The following CACNA2D1 variants were observed in gnomAD, a reference collection of about 807,000 sequenced individuals.
CACNA2D1 encodes the protein voltage-dependent calcium channel subunit alpha-2/delta-1.
A neutral mutation model predicts 171.5 loss-of-function variants in CACNA2D1; 53 were observed. The observed-to-expected ratio is 0.31, with a 90% CI of 0.25 to 0.39. CACNA2D1 has a LOEUF of 0.39. CACNA2D1 is among the 10% of genes least tolerant of loss of function. The probability of loss-of-function intolerance (pLI) is 1.00; values close to 1 mark genes in which losing one functional copy is unlikely to be tolerated. For synonymous variants in CACNA2D1, 442 were observed against 443.1 expected, an observed-to-expected ratio of 1.00 and a Z score of 0.03; for missense variants, 903 against 1,299.8, an observed-to-expected ratio of 0.69 and a Z score of 4.69.
chr7:82,269,779 C>T (rs746058730), intron 3 of CACNA2D1, among the ~76,000 whole-genome samples: 6 of 152,090 alleles, frequency 3.9e-5, no homozygotes, highest in Admixed American at 3.3e-4. Context: ...GAATTAACCC[C>T]TTCATTTACA....
chr7:82,328,797 C>T (rs994706251), intron 3 of CACNA2D1, among the ~76,000 whole-genome samples: 4 of 152,236 alleles, frequency 2.6e-5, no homozygotes, highest in African/African-American at 7.2e-5. Context: ...AAATTTCTTG[C>T]CAATGTCTCA....
Position 81,950,487 on chromosome 7 carries a change from C to A in CACNA2D1, c.3181G>T (p.Gly1061Cys). 1 of 1,612,364 alleles carries A rather than the reference C, an allele frequency of 6.2e-7. No homozygotes were observed. The highest frequency in any genetic ancestry group is 8.5e-7 in the Non-Finnish European group (1 of 1,179,322). The change falls in exon 39 of 39, where the codon GGT (glycine) becomes TGT (cysteine). Residue 1061 changes from glycine (G) to cysteine (C), a missense_variant. This residue lies in a region of CACNA2D1 where 623 missense variants were observed against 925.5 expected (regional missense o/e 0.67). Transcript: ENST00000356860. Reference sequence around the variant, plus strand: ...AGGGAGGGATTTAATCCAGAAACACCACCACAGTCAGTATAATCCTCCTGT... The same window carrying A: ...AGGGAGGGATTTAATCCAGAAACACAACCACAGTCAGTATAATCCTCCTGT... ...NVLEDYTDCG[G>C]VSGLNPSLWY...
At chr7:82,417,147 T>A (rs1453636098) in intron 1 of CACNA2D1, among the ~76,000 whole-genome samples, 3 of 152,194 alleles carry the variant, frequency 2.0e-5, no homozygotes, top group African/African-American at 7.2e-5. Context: ...ATAATCCAAA[T>A]TTCCTAAAGA....
intron 1 of CACNA2D1, chr7:82,410,417 GCTAT>G: frequency 3.7e-6 from 2 of 534,240 alleles, no homozygotes; most frequent in Admixed American, 6.4e-5. Flanking sequence ...CTTCTGTACT[GCTAT>G]CTATCCAACA....
chr7:82,126,911 G>C (rs1172898365), intron 5 of CACNA2D1, among the ~76,000 whole-genome samples: 37 of 152,162 alleles, frequency 2.4e-4, no homozygotes, highest in Admixed American at 2.4e-3. Context: ...CTCAGGGGCT[G>C]GCTTTCTGTG....
intron 3 of CACNA2D1, among the ~76,000 whole-genome samples, chr7:82,251,821 A>C (rs574594118): frequency 6.6e-6 from 1 of 152,328 alleles, no homozygotes; most frequent in South Asian, 2.1e-4. Flanking sequence ...AGCAGGAGAT[A>C]GGATGCAAAT....
intron 19 of CACNA2D1, among the ~76,000 whole-genome samples, chr7:81,995,809 A>AAAAT (rs1432222095): frequency 4.3e-4 from 66 of 152,092 alleles, no homozygotes; most frequent in African/African-American, 1.5e-3. Flanking sequence ...AAAAAAAAAA[A>AAAAT]AAAAAAAAAG....
At chr7:82,252,611 G>T (rs1207151683) in intron 3 of CACNA2D1, among the ~76,000 whole-genome samples, 2 of 152,328 alleles carry the variant, frequency 1.3e-5, no homozygotes, top group Non-Finnish European at 2.9e-5. Context: ...GAAACACTTG[G>T]CCGGGCGTGG....
intron 3 of CACNA2D1, among the ~76,000 whole-genome samples, chr7:82,218,429 C>T (rs1334169258): frequency 1.3e-5 from 2 of 152,146 alleles, no homozygotes; most frequent in African/African-American, 4.8e-5. Context: ...AGCCTGAAAA[C>T]ACAGCTTCTC....
intron 18 of CACNA2D1, among the ~76,000 whole-genome samples, chr7:81,999,563 G>T (rs1798380030): frequency 6.6e-6 from 1 of 152,060 alleles, no homozygotes; most frequent in African/African-American, 2.4e-5. Flanking sequence ...TCAAATTGAG[G>T]AGTCTTGTGT....
intron 11 of CACNA2D1, 28 bp from the exon 12 acceptor site, chr7:82,032,929 A>G: frequency 8.8e-7 from 1 of 1,136,886 alleles, no homozygotes; most frequent in South Asian, 1.2e-5. Flanking sequence ...AAACAAAACA[A>G]TATGCGTATT....
intron 1 of CACNA2D1, among the ~76,000 whole-genome samples, chr7:82,390,308 T>C (rs1027159311): frequency 2.0e-5 from 3 of 152,210 alleles, no homozygotes; most frequent in Admixed American, 6.5e-5. Context: ...GTGATCATTA[T>C]ACACTGTGTA....
At chr7:82,430,009 C>T (rs867038992) in intron 1 of CACNA2D1, among the ~76,000 whole-genome samples, 64 of 152,070 alleles carry the variant, frequency 4.2e-4, no homozygotes, top group African/African-American at 1.3e-3. Flanking sequence ...AAATTTAAGT[C>T]AATTCTAATA....
intron 3 of CACNA2D1, among the ~76,000 whole-genome samples, chr7:82,194,433 G>C (rs909008145): frequency 6.6e-6 from 1 of 151,932 alleles, no homozygotes; most frequent in Admixed American, 6.6e-5. Context: ...TTAATGATTT[G>C]TGTGTATGCT....
intron 4 of CACNA2D1, among the ~76,000 whole-genome samples, chr7:82,139,737 T>C (rs1421866206): frequency 1.3e-5 from 2 of 151,608 alleles, no homozygotes; most frequent in Non-Finnish European, 2.9e-5. Context: ...CAAACATCCA[T>C]ACTCATCCAT....
chr7:82,067,256 C>A (rs1666414107), intron 7 of CACNA2D1, among the ~76,000 whole-genome samples: 1 of 152,014 alleles, frequency 6.6e-6, no homozygotes, highest in Admixed American at 6.6e-5. Flanking sequence ...ACACCTTAGA[C>A]CTAATGAAAA....
At chr7:82,270,489 T>G (rs1460269382) in intron 3 of CACNA2D1, among the ~76,000 whole-genome samples, 1 of 152,150 alleles carries the variant, frequency 6.6e-6, no homozygotes, top group Non-Finnish European at 1.5e-5. Context: ...TTATCCAATC[T>G]TTCGTTAAAG....
At chr7:82,087,510 T>C (rs974754382) in intron 6 of CACNA2D1, among the ~76,000 whole-genome samples, 6 of 148,176 alleles carry the variant, frequency 4.0e-5, no homozygotes, top group Non-Finnish European at 8.9e-5. Flanking sequence ...GAAAGTAGGA[T>C]AAAACTGCTT....
intron 3 of CACNA2D1, among the ~76,000 whole-genome samples, chr7:82,328,863 G>T (rs1452460329): frequency 3.3e-5 from 5 of 151,966 alleles, no homozygotes; most frequent in Non-Finnish European, 7.4e-5. Context: ...ATATTCTATT[G>T]AATCTATTCT....
Sources: allele counts gnomAD v4.1 joint callset (sites outside exome capture counted in the v4.1 genomes callset), GRCh38; gene constraint gnomAD v4.1.1; regional missense constraint gnomAD v4.1.1; transcripts MANE v1.5; gene names NCBI Gene and HGNC (gene_info 2026-07-23, HGNC 2026-07-21).